Variants in GPM6A observed in about 807,000 individuals in gnomAD.
GPM6A encodes the protein glycoprotein M6A, also known as neuronal membrane glycoprotein M6-a.
GPM6A carries 7 observed loss-of-function variants against 32.1 expected under a neutral mutation model. The observed-to-expected ratio is 0.22, with a 90% confidence interval of 0.12 to 0.41. The LOEUF (loss-of-function observed/expected upper bound fraction) is 0.41. GPM6A is among the 10% of genes least tolerant of loss of function. GPM6A has a pLI of 1.00. For missense variants in GPM6A, 235 were observed against 347.2 expected, an observed-to-expected ratio of 0.68 and a Z score of 2.57; for synonymous variants, 130 against 123.4, an observed-to-expected ratio of 1.05 and a Z score of -0.35.
chr4:175,779,686 T>A lies in GPM6A; in HGVS notation c.37+32505A>T, dbSNP rs535826947. On this transcript the variant is annotated intron_variant, in intron 1 of 6. Coordinates refer to ENST00000393658, the MANE Select transcript of GPM6A (RefSeq NM_201591.3). ...ATTAAAAATAATAATAACAAAAAAC[T>A]TTTCTATGAAGCACAATAAAAATTA... 6.6e-5 allele frequency among the ~76,000 whole-genome samples: 10 copies of A among 152,266 alleles called. No homozygotes were observed. The East Asian group carries it at 1.9e-3, about 29-fold the overall frequency.
At chr4:175,700,368 T>C (rs1018312023) in intron 2 of GPM6A, among the ~76,000 whole-genome samples, 3 of 152,198 alleles carry the variant, frequency 2.0e-5, no homozygotes, top group African/African-American at 7.2e-5. Context: ...ATTCCTGATA[T>C]TGTAGTTGGA....
intron 3 of GPM6A, among the ~76,000 whole-genome samples, chr4:175,667,972 C>T (rs1002029289): frequency 3.3e-5 from 5 of 152,122 alleles, no homozygotes; most frequent in Non-Finnish European, 5.9e-5. Flanking sequence ...GAAGCATCCA[C>T]ATGTTGCAAA....
At chr4:175,877,999 C>A (rs916768821) in intron 1 of GPM6A, among the ~76,000 whole-genome samples, 1 of 152,168 alleles carries the variant, frequency 6.6e-6, no homozygotes, top group Non-Finnish European at 1.5e-5. Context: ...GCTACAGGCC[C>A]CAGCAAGTCC....
At chr4:175,817,989 C>G (rs1735160525) in intron 1 of GPM6A, among the ~76,000 whole-genome samples, 1 of 152,166 alleles carries the variant, frequency 6.6e-6, no homozygotes, top group Non-Finnish European at 1.5e-5. Context: ...CAAGAAATTA[C>G]CTTTCGGGTA....
At chr4:175,843,673 C>T (rs1456249162) in intron 1 of GPM6A, among the ~76,000 whole-genome samples, 1 of 152,164 alleles carries the variant, frequency 6.6e-6, no homozygotes, top group Admixed American at 6.6e-5. Context: ...CTGCTGTCAT[C>T]GTCTTGAAAA....
Position 175,999,993 on chromosome 4 carries a change from C to A in GPM6A, c.-23+2316G>T, listed in dbSNP as rs138201417. On this transcript the variant is annotated intron_variant, in intron 1 of 7. Transcript: ENST00000280187. ...TTCTATTTCCCCTATGCACTTCCTTCCTGCTTTCCCCACTTTGCCCCTCTT... is the reference window on the plus strand; with the variant it reads ...TTCTATTTCCCCTATGCACTTCCTTACTGCTTTCCCCACTTTGCCCCTCTT... Among the ~76,000 whole-genome samples the A allele has an allele frequency of 7.3e-3, 1,105 of 152,284 alleles. 6 individuals carry two copies. The highest frequency in any genetic ancestry group is 0.012 in the Non-Finnish European group (834 of 68,018).
intron 1 of GPM6A, among the ~76,000 whole-genome samples, chr4:175,914,006 C>T (rs928460428): frequency 3.9e-5 from 6 of 152,156 alleles, no homozygotes; most frequent in South Asian, 2.1e-4. Flanking sequence ...GATTATTTTG[C>T]CAAGGTTGAA....
At chr4:175,864,757 A>G (rs1432515306) in intron 1 of GPM6A, among the ~76,000 whole-genome samples, 1 of 151,804 alleles carries the variant, frequency 6.6e-6, no homozygotes, top group Non-Finnish European at 1.5e-5. Flanking sequence ...GTTTTCTTCT[A>G]GAAATTTCTA....
intron 1 of GPM6A, among the ~76,000 whole-genome samples, chr4:175,797,520 C>T (rs1046245629): frequency 6.6e-5 from 10 of 152,134 alleles, no homozygotes; most frequent in African/African-American, 1.4e-4. Flanking sequence ...CATGCATTAG[C>T]ATTTTCAATA....
At chr4:175,896,392 T>C (rs898971483) in intron 1 of GPM6A, among the ~76,000 whole-genome samples, 1 of 152,098 alleles carries the variant, frequency 6.6e-6, no homozygotes, top group East Asian at 1.9e-4. Flanking sequence ...CCTCAGATCA[T>C]TCAACCTGCT....
chr4:175,932,109 A>G (rs1002401762), intron 1 of GPM6A, among the ~76,000 whole-genome samples: 1 of 151,774 alleles, frequency 6.6e-6, no homozygotes, highest in Non-Finnish European at 1.5e-5. Flanking sequence ...AAAAAAAAAA[A>G]AAAAGAAAAA....
chr4:175,833,800 C>T (rs1485522695), intron 1 of GPM6A, among the ~76,000 whole-genome samples: 1 of 151,760 alleles, frequency 6.6e-6, no homozygotes, highest in Non-Finnish European at 1.5e-5. Flanking sequence ...TCAGCTATAC[C>T]CAGGGCATCA....
chr4:175,698,266 T>C (rs1219662951), intron 2 of GPM6A, among the ~76,000 whole-genome samples: 1 of 152,188 alleles, frequency 6.6e-6, no homozygotes, highest in Admixed American at 6.6e-5. Flanking sequence ...GTAGGAGTGA[T>C]GAATTTGGTT....
intron 1 of GPM6A, among the ~76,000 whole-genome samples, chr4:175,707,011 C>T (rs1241211446): frequency 6.6e-6 from 1 of 152,210 alleles, no homozygotes; most frequent in Non-Finnish European, 1.5e-5. Flanking sequence ...GGTTACCCTA[C>T]ATGGTCTAAA....
intron 1 of GPM6A, among the ~76,000 whole-genome samples, chr4:175,845,554 A>C (rs1042482518): frequency 2.0e-5 from 3 of 152,086 alleles, no homozygotes; most frequent in Non-Finnish European, 4.4e-5. Flanking sequence ...TTATCCCCTT[A>C]CTGATTATAA....
chr4:175,871,185 T>C (rs1736894916), intron 1 of GPM6A, among the ~76,000 whole-genome samples: 1 of 152,084 alleles, frequency 6.6e-6, no homozygotes, highest in Admixed American at 6.6e-5. Context: ...AAGAATTCAG[T>C]CTGCCAGGCG....
rs977128494 is a variant in GPM6A at position 175,811,950 on chromosome 4, G to A, written c.37+241C>T. ...CTAAGGAATAGTTCACTACAATACC[G>A]CAATGCTCTTCTCACTAATACTCGA... On this transcript the variant is annotated intron_variant, in intron 1 of 6. Coordinates refer to ENST00000393658, the MANE Select transcript of GPM6A (RefSeq NM_201591.3). 35 of 390,612 alleles carry A rather than the reference G, an allele frequency of 9.0e-5. 1 individual carries two copies. The highest frequency in any genetic ancestry group is 2.9e-4 in the South Asian group (5 of 17,222). 24.2% of individuals were successfully genotyped at this position (390,612 alleles called of 1,614,324 possible).
rs1737118734 is a variant in GPM6A at position 175,877,393 on chromosome 4, C to T, written c.-22-65144G>A. On this transcript the variant is annotated intron_variant, in intron 1 of 7. Transcript: ENST00000280187. ...TAAGCATAGTATTAGTCCATTCTCA[C>T]CCTGCTATGAAGAAATACCCAAGAC... Among the ~76,000 whole-genome samples, 3 of 152,144 alleles carry T rather than the reference C, an allele frequency of 2.0e-5. No homozygotes were observed. In the South Asian group the frequency reaches 6.2e-4, roughly 31 times the overall value.
At chr4:175,963,645 G>A (rs1394386255) in intron 1 of GPM6A, among the ~76,000 whole-genome samples, 1 of 152,096 alleles carries the variant, frequency 6.6e-6, no homozygotes, top group Non-Finnish European at 1.5e-5. Flanking sequence ...CAGAAAGAAG[G>A]AAAATGATAT....
Sources: gnomAD v4.1 joint callset for allele counts (sites outside exome capture counted in the v4.1 genomes callset) on GRCh38, gnomAD v4.1.1 for gene constraint, MANE v1.5 for transcripts, NCBI Gene and HGNC (gene_info 2026-07-23, HGNC 2026-07-21) for gene names.